MYO19: variants seen among roughly 807,000 people sequenced by gnomAD.
MYO19 encodes the protein myosin XIX, also known as unconventional myosin-XIX.
Under a neutral mutation model 129.2 loss-of-function variants are expected in MYO19, and 132 were observed. That is an observed-to-expected ratio of 1.02 (90% CI 0.89 to 1.18). MYO19 has a LOEUF of 1.18. Ranked by LOEUF, MYO19 falls within the 50% of genes most tolerant of loss-of-function variation. The pLI, the probability that MYO19 is intolerant of heterozygous loss-of-function variation, is 0.00. For synonymous variants in MYO19, 531 were observed against 477.2 expected (o/e 1.11, Z -1.47); for missense variants, 1,210 against 1,216.7 (o/e 0.99, Z 0.08).
At chr17:36,508,764 A>T (rs1431694099) in intron 14 of MYO19, 5 of 414,842 alleles carry the variant, frequency 1.2e-5, no homozygotes, top group Non-Finnish European at 4.4e-6. Flanking sequence ...ATTTTCCCCA[A>T]CCCCCACTAC....
chr17:36,531,152 T>C (rs2073812313), intron 3 of MYO19, among the ~76,000 whole-genome samples: 1 of 151,946 alleles, frequency 6.6e-6, no homozygotes, highest in African/African-American at 2.4e-5. Context: ...CCCAGCACTT[T>C]GGGAGGCCGA....
At chr17:36,542,808 C>G (rs529140028) in intron 1 of MYO19, among the ~76,000 whole-genome samples, 42 of 152,138 alleles carry the variant, frequency 2.8e-4, no homozygotes, top group Non-Finnish European at 5.1e-4. Context: ...TTCCGCCTTC[C>G]CGGTTCAAGC....
In MYO19 at chr17:36,505,366, G is replaced by A; in HGVS notation, c.1836C>T (p.Thr612=). Residue 612 remains threonine, a synonymous_variant, in exon 19 of 26, where the codon ACC becomes ACT. Coordinates refer to ENST00000614623, the MANE Select transcript of MYO19 (RefSeq NM_001163735.2). The stretch of plus-strand genomic sequence containing the variant: ...TGATGCAGCGAATGTAGTGGGGCGT[G>A]GTGCTGTGTAGGACCTGCAGAAGCT... The part of the protein sequence containing the change: ...LEQLLQVLHS[T]TPHYIRCIKP... The A allele has an allele frequency of 6.2e-7, 1 of 1,614,238 alleles. No individual in the cohort carries two copies. The highest frequency in any genetic ancestry group is 8.5e-7 in the Non-Finnish European group (1 of 1,180,044).
At chr17:36,496,676 G>A (rs2071009628) in intron 25 of MYO19, among the ~76,000 whole-genome samples, 2 of 152,124 alleles carry the variant, frequency 1.3e-5, no homozygotes, top group Admixed American at 6.5e-5. Context: ...TGTTTAGCAG[G>A]CCTGTGTGTT....
chr17:36,526,144 A>G (rs1334533130), intron 5 of MYO19, among the ~76,000 whole-genome samples: 1 of 152,104 alleles, frequency 6.6e-6, no homozygotes, highest in Non-Finnish European at 1.5e-5. Flanking sequence ...CCAGCCACCT[A>G]TCACCTGGAG....
intron 6 of MYO19, among the ~76,000 whole-genome samples, chr17:36,516,441 ACT>A (rs1253128030): frequency 6.6e-6 from 1 of 151,478 alleles, no homozygotes; most frequent in Non-Finnish European, 1.5e-5. Flanking sequence ...CACAATCTCA[ACT>A]CTCTGCAACC....
chr17:36,522,536 T>C (rs532075963), intron 6 of MYO19, among the ~76,000 whole-genome samples: 1 of 150,222 alleles, frequency 6.7e-6, no homozygotes, highest in Admixed American at 6.6e-5. Context: ...AAATAGAATA[T>C]GGTTCATAAA....
At chr17:36,505,275 G>A (rs961695812) in intron 19 of MYO19, 22 bp downstream of exon 19, 1 of 1,603,834 alleles carries the variant, frequency 6.2e-7, no homozygotes, top group Admixed American at 1.7e-5. Context: ...GTGCGAAGCA[G>A]CTTTGGCCCG....
chr17:36,531,394 CAAA>C (rs587678549), intron 3 of MYO19, among the ~76,000 whole-genome samples: 1,369 of 56,696 alleles, frequency 0.024, 12 homozygotes, highest in African/African-American at 0.061. Flanking sequence ...GACTCCATCT[CAAA>C]AAAAAAAAAA....
At chr17:36,511,577 G>GTA in intron 11 of MYO19, 122 bp from the exon 12 acceptor site, 1 of 730,202 alleles carries the variant, frequency 1.4e-6, no homozygotes, top group East Asian at 3.0e-5. Flanking sequence ...CATGGCCCAA[G>GTA]TGCCCATCTC....
At chr17:36,501,411 T>C in intron 21 of MYO19, 176 bp from the exon 22 acceptor site, 1 of 653,044 alleles carries the variant, frequency 1.5e-6, no homozygotes, top group Non-Finnish European at 2.5e-6. Context: ...CTCTCTGTTG[T>C]CCCTCAGGGT....
At chr17:36,528,349 A>G (rs1437843285) in intron 3 of MYO19, 147 bp from the exon 4 acceptor site, 1 of 804,366 alleles carries the variant, frequency 1.2e-6, no homozygotes, top group African/African-American at 1.7e-5. Context: ...TCTACTAAAA[A>G]AAATTCAAAA....
intron 6 of MYO19, among the ~76,000 whole-genome samples, chr17:36,518,028 T>C (rs921669425): frequency 8.6e-5 from 13 of 151,188 alleles, no homozygotes; most frequent in African/African-American, 2.9e-4. Flanking sequence ...AGGCGCAGGT[T>C]GCAGTGAGCT....
At position 36,512,238 on chromosome 17, in the gene MYO19, A is replaced by ACACAC. The variant is rs1555575833; in HGVS notation, c.895-784_895-783insGTGTG. On this transcript the variant is annotated intron_variant, in intron 11 of 25. Transcript: ENST00000614623. ...ACACACACACACACACACACACACA[A>ACACAC]AATTAGCTGGGTGTGGTGGCACATG... 1.9e-4 allele frequency among the ~76,000 whole-genome samples: 19 copies of ACACAC among 99,596 alleles called. No homozygotes were observed. In the East Asian group the frequency reaches 2.1e-3, roughly 11 times the overall value. 65.3% of individuals were successfully genotyped at this position (99,596 alleles called of 152,430 possible).
At position 36,498,311 on chromosome 17, in the gene MYO19, T is replaced by C. The variant is rs1301748975; in HGVS notation, c.2712A>G (p.Thr904=). 2 of 1,613,990 alleles carry C rather than the reference T, an allele frequency of 1.2e-6. No homozygotes were observed. Among genetic ancestry groups the C allele is most frequent in the Admixed American group, 1.7e-5 (1 of 60,028 alleles). The change falls in exon 25 of 26, where the codon ACA becomes ACG. Residue 904 remains threonine (T), a synonymous_variant. Transcript: ENST00000614623. Reference sequence around the variant, plus strand: ...ACGTGACACCAGCCTGGTCTTGTGCTGTCTGGACAGTGTAGCTACTGGGGC... The same window carrying C: ...ACGTGACACCAGCCTGGTCTTGTGCCGTCTGGACAGTGTAGCTACTGGGGC... The part of the protein sequence containing the change: ...RGSPSSYTVQ[T]AQDQAGVTSI...
rs2071904331 is a variant in MYO19, at chr17:36,506,573, C to T, written c.1680G>A (p.Gln560=). 1 of 1,562,740 alleles carries T rather than the reference C, an allele frequency of 6.4e-7. No individual in the cohort carries two copies. Among genetic ancestry groups the T allele is most frequent in the African/African-American group, 1.4e-5 (1 of 72,502 alleles). Residue 560 remains glutamine (Q), a synonymous_variant, in exon 18 of 26, where the codon CAG becomes CAA. Coordinates refer to ENST00000614623, the MANE Select transcript of MYO19 (RefSeq NM_001163735.2). ...PIPPELTRLL[Q]QSQDPLLMGL... ...CCATGAGCAGGGGGTCCTGGGATTG[C>T]TGCAGGAGCCTGGTCAGCTCAGGTG...
intron 6 of MYO19, among the ~76,000 whole-genome samples, chr17:36,516,969 C>A (rs1287208667): frequency 6.6e-6 from 1 of 151,986 alleles, no homozygotes. Flanking sequence ...ACAAGTGAAG[C>A]CACCAGGGCC....
intron 19 of MYO19, 114 bp from the exon 20 acceptor site, chr17:36,504,134 C>A: frequency 1.3e-6 from 1 of 795,098 alleles, no homozygotes; most frequent in South Asian, 2.1e-5. Flanking sequence ...TGCAGGCTCT[C>A]CCAAGGCTTG....
At chr17:36,510,239 G>A (rs895721946) in intron 13 of MYO19, among the ~76,000 whole-genome samples, 4 of 152,234 alleles carry the variant, frequency 2.6e-5, no homozygotes, top group Admixed American at 6.5e-5. Context: ...AGGTACCCAC[G>A]TAATCTACCA....
Sources: allele counts gnomAD v4.1 joint callset (sites outside exome capture counted in the v4.1 genomes callset), GRCh38; gene constraint gnomAD v4.1.1; transcripts MANE v1.5; gene names NCBI Gene and HGNC (gene_info 2026-07-23, HGNC 2026-07-21).